ARFGAP3: variants seen among roughly 807,000 people sequenced by gnomAD.
ARFGAP3 encodes ARF GTPase activating protein 3.
Under a neutral mutation model 75.0 loss-of-function variants are expected in ARFGAP3, and 72 were observed. The ratio of observed to expected loss-of-function variants is 0.96; its 90% CI spans 0.79 to 1.17. ARFGAP3 has a LOEUF of 1.17. Ranked by LOEUF, ARFGAP3 falls within the 50% of genes most tolerant of loss-of-function variation. The probability of loss-of-function intolerance (pLI) is 0.00; values close to 1 mark genes in which losing one functional copy is unlikely to be tolerated. For missense variants in ARFGAP3, 620 were observed against 626.6 expected, an observed-to-expected ratio of 0.99 and a Z score of 0.11; for synonymous variants, 221 against 217.9, an observed-to-expected ratio of 1.01 and a Z score of -0.13.
intron 9 of ARFGAP3, among the ~76,000 whole-genome samples, chr22:42,821,225 A>G (rs903912706): frequency 4.9e-4 from 75 of 152,250 alleles, no homozygotes; most frequent in African/African-American, 1.6e-3. Context: ...TACTTTTTTC[A>G]TTATGCAGAT....
chr22:42,803,714 C>T (rs936724022), intron 14 of ARFGAP3, among the ~76,000 whole-genome samples: 1 of 152,132 alleles, frequency 6.6e-6, no homozygotes, highest in South Asian at 2.1e-4. Flanking sequence ...CACTTACATG[C>T]GCTTCCCACT....
intron 2 of ARFGAP3, among the ~76,000 whole-genome samples, chr22:42,845,567 C>A (rs1435507936): frequency 4.1e-5 from 6 of 147,670 alleles, no homozygotes; most frequent in East Asian, 1.9e-4. Flanking sequence ...CAAAAAAAAA[C>A]CCCAAGTTTG....
At chr22:42,845,386 G>A (rs1278285341) in intron 2 of ARFGAP3, among the ~76,000 whole-genome samples, 2 of 152,122 alleles carry the variant, frequency 1.3e-5, no homozygotes, top group East Asian at 1.9e-4. Context: ...TTAGATGGAC[G>A]TGGTGGCACA....
In ARFGAP3 at chr22:42,822,387, A is replaced by C. The variant is rs377087366; in HGVS notation, c.695T>G (p.Leu232Trp). 1.2e-6 allele frequency: 2 copies of C among 1,613,920 alleles called. No homozygotes were observed. The highest frequency in any genetic ancestry group is 1.7e-6 in the Non-Finnish European group (2 of 1,180,006). ...TGTGTTTGCCAGTTTCTGAGCTCCC[A>C]AACTTCCTTTTTTGGCCCCAAGCTA... ...KKGLGAKKGS[L>W]GAQKLANTCF... The change falls in exon 9 of 16, where the codon TTG becomes TGG. Residue 232 changes from leucine to tryptophan, a missense_variant. Physicochemically the swap from Leu to Trp is moderately conservative, Grantham distance 61. Coordinates refer to ENST00000263245, the MANE Select transcript of ARFGAP3 (RefSeq NM_014570.5).
Position 42,810,262 on chromosome 22 carries a change from GTT to G in ARFGAP3, c.1196+549_1196+550del, listed in dbSNP as rs1299027493. Among the ~76,000 whole-genome samples, 3 of 152,104 alleles carry G rather than the reference GTT, an allele frequency of 2.0e-5. No individual in the cohort carries two copies. The East Asian group carries it at 5.8e-4, about 29-fold the overall frequency. The stretch of plus-strand genomic sequence containing the variant: ...GCAGGCGGATCATTTGAGGTCAGGA[GTT>G]TGAGACCAGCCTGGCTGGTGAGGCA... On this transcript the variant is annotated intron_variant, in intron 12 of 15. Coordinates refer to ENST00000263245, the MANE Select transcript of ARFGAP3 (RefSeq NM_014570.5).
At position 42,810,909 on chromosome 22, in the gene ARFGAP3, G is replaced by A; in HGVS notation, c.1100C>T (p.Ser367Phe). ...FDEPVELRSS[S>F]FSSWDDSSDS... Reference sequence around the variant, plus strand: ...TGAACTGTCATCCCAGCTAGAGAAAGAACTGCTCCTTAACTCCACTGGCTC... The same window carrying A: ...TGAACTGTCATCCCAGCTAGAGAAAAAACTGCTCCTTAACTCCACTGGCTC... Residue 367 changes from serine (S) to phenylalanine (F), a missense_variant, in exon 12 of 16, where the codon TCT becomes TTT. Coordinates refer to ENST00000263245, the MANE Select transcript of ARFGAP3 (RefSeq NM_014570.5). 6.2e-7 allele frequency: 1 copy of A among 1,614,188 alleles called. No individual in the cohort carries two copies. The highest frequency in any genetic ancestry group is 8.5e-7 in the Non-Finnish European group (1 of 1,180,024).
intron 2 of ARFGAP3, chr22:42,841,259 G>T: frequency 4.5e-6 from 1 of 221,480 alleles, no homozygotes; most frequent in Non-Finnish European, 7.6e-6. Context: ...AGTGTCAGCG[G>T]GCTGCTGGAA....
intron 1 of ARFGAP3, among the ~76,000 whole-genome samples, chr22:42,849,567 T>C (rs1235315156): frequency 6.6e-6 from 1 of 151,300 alleles, no homozygotes; most frequent in African/African-American, 2.4e-5. Flanking sequence ...TGGCTTTTTT[T>C]TTTTTTTTTT....
intron 13 of ARFGAP3, among the ~76,000 whole-genome samples, chr22:42,807,433 G>C (rs189712631): frequency 1.5e-4 from 23 of 152,276 alleles, no homozygotes; most frequent in African/African-American, 5.5e-4. Context: ...GGGAGGGAGA[G>C]CGGCATCTCT....
chr22:42,851,982 G>T (rs1290423964), intron 1 of ARFGAP3, among the ~76,000 whole-genome samples: 1 of 152,096 alleles, frequency 6.6e-6, no homozygotes, highest in African/African-American at 2.4e-5. Flanking sequence ...CTGGGCATGT[G>T]TGTGATCTAT....
intron 14 of ARFGAP3, among the ~76,000 whole-genome samples, chr22:42,802,197 T>C (rs1229562261): frequency 6.6e-6 from 1 of 151,722 alleles, no homozygotes; most frequent in East Asian, 1.9e-4. Context: ...AGGTCTGGAG[T>C]CACCCAGGAG....
intron 3 of ARFGAP3, among the ~76,000 whole-genome samples, chr22:42,838,788 A>C (rs1304471740): frequency 6.6e-6 from 1 of 152,128 alleles, no homozygotes; most frequent in Non-Finnish European, 1.5e-5. Context: ...AATATACTGA[A>C]TTTGTAAATA....
chr22:42,822,480 T>G, intron 8 of ARFGAP3, 71 bp from the exon 9 acceptor site: 1 of 1,571,132 alleles, frequency 6.4e-7, no homozygotes, highest in Non-Finnish European at 8.7e-7. Flanking sequence ...TAACATTTCC[T>G]AAGGGTTAGG....
chr22:42,815,597 G>A (rs571171977), intron 11 of ARFGAP3, among the ~76,000 whole-genome samples: 2 of 152,058 alleles, frequency 1.3e-5, no homozygotes, highest in Non-Finnish European at 2.9e-5. Context: ...AAGTGCATGT[G>A]TGTGGGTGTG....
intron 3 of ARFGAP3, among the ~76,000 whole-genome samples, chr22:42,837,672 C>CTACT (rs1926585278): frequency 3.0e-5 from 2 of 67,308 alleles, no homozygotes; most frequent in Non-Finnish European, 4.9e-5. Context: ...CTAAGGCATA[C>CTACT]TTCTTTTTTT....
At position 42,847,751 on chromosome 22, in the gene ARFGAP3, T is replaced by C. The variant is rs56768706; in HGVS notation, c.70-119A>G. The C allele has an allele frequency of 3.5e-3, 4,407 of 1,245,140 alleles. 132 individuals are homozygous for C. The African/African-American group carries it at 0.06, about 17-fold the overall frequency. 77.1% of individuals were successfully genotyped at this position (1,245,140 alleles called of 1,614,324 possible). On this transcript the variant is annotated intron_variant, in intron 1 of 15. Coordinates refer to ENST00000263245, the MANE Select transcript of ARFGAP3 (RefSeq NM_014570.5). ...AACCTTTACAATGTAAACTTTGGGA[T>C]TGTATTATTAGAAAATATCTCACCT...
chr22:42,803,535 T>A (rs1924973450), intron 14 of ARFGAP3, among the ~76,000 whole-genome samples: 1 of 152,218 alleles, frequency 6.6e-6, no homozygotes, highest in East Asian at 1.9e-4. Flanking sequence ...AAGCTTTTTG[T>A]TGTATCCTGG....
intron 14 of ARFGAP3, among the ~76,000 whole-genome samples, chr22:42,803,204 T>A (rs552715626): frequency 2.6e-5 from 4 of 152,130 alleles, no homozygotes; most frequent in African/African-American, 9.7e-5. Context: ...GGGGTCCCAC[T>A]ATGTTGTCCA....
chr22:42,820,171 A>AG (rs1925749434), intron 9 of ARFGAP3, among the ~76,000 whole-genome samples: 1 of 152,214 alleles, frequency 6.6e-6, no homozygotes, highest in Non-Finnish European at 1.5e-5. Flanking sequence ...GAAAACCTCA[A>AG]GCATGAGTAA....
Sources: allele counts gnomAD v4.1 joint callset (sites outside exome capture counted in the v4.1 genomes callset), GRCh38; gene constraint gnomAD v4.1.1; transcripts MANE v1.5; gene names NCBI Gene and HGNC (gene_info 2026-07-23, HGNC 2026-07-21).